Variants in POU6F2 observed in about 807,000 individuals in gnomAD.
The protein encoded by POU6F2 is POU domain, class 6, transcription factor 2.
A neutral mutation model predicts 71.3 loss-of-function variants in POU6F2; 31 were observed. That is an observed-to-expected ratio of 0.43 (90% confidence interval 0.33 to 0.59). POU6F2 has a LOEUF of 0.59. Ranked by LOEUF, POU6F2 falls within the 20% of genes least tolerant of loss-of-function variation. The pLI is 0.04. For synonymous variants in POU6F2, 347 were observed against 355.7 expected (o/e 0.98, Z 0.27); for missense variants, 783 against 856.8 (o/e 0.91, Z 1.07).
At chr7:39,240,229 G>A (rs1012963012) in intron 4 of POU6F2, among the ~76,000 whole-genome samples, 10 of 151,958 alleles carry the variant, frequency 6.6e-5, no homozygotes, top group African/African-American at 1.9e-4. Flanking sequence ...ACCCCAAATC[G>A]GGACAAGGAA....
At chr7:39,256,904 C>T (rs1398432932) in intron 4 of POU6F2, among the ~76,000 whole-genome samples, 2 of 152,198 alleles carry the variant, frequency 1.3e-5, no homozygotes, top group East Asian at 1.9e-4. Context: ...CCCATTAAAA[C>T]CCATTAAAAC....
chr7:39,207,364 T>G, intron 3 of POU6F2, 28 bp from the exon 4 acceptor site: 51 of 1,597,338 alleles, frequency 3.2e-5, no homozygotes, highest in East Asian at 4.5e-5. Flanking sequence ...CACAGGAAAG[T>G]GAGCTAGCTG....
chr7:39,099,257 G>T (rs1386019881), intron 2 of POU6F2, among the ~76,000 whole-genome samples: 1 of 152,346 alleles, frequency 6.6e-6, no homozygotes, highest in Admixed American at 6.5e-5. Context: ...GCCTTGAGAA[G>T]TGTTATGAAG....
intron 4 of POU6F2, among the ~76,000 whole-genome samples, chr7:39,220,983 GATA>G: frequency 6.6e-6 from 1 of 152,092 alleles, no homozygotes; most frequent in Middle Eastern, 3.4e-3. Context: ...TTTATATATT[GATA>G]ATGTGTTGAA....
chr7:39,030,543 T>TATATTTATAC (rs1491146903), intron 1 of POU6F2, among the ~76,000 whole-genome samples: 1 of 88,018 alleles, frequency 1.1e-5, no homozygotes, highest in African/African-American at 3.9e-5. Context: ...TATATATATA[T>TATATTTATAC]ACACACACAT....
intron 6 of POU6F2, among the ~76,000 whole-genome samples, chr7:39,418,680 ACT>A (rs931737424): frequency 2.7e-5 from 4 of 149,910 alleles, no homozygotes; most frequent in South Asian, 2.1e-4. Flanking sequence ...ACAGAGTGAG[ACT>A]CTGTCTCAAA....
chr7:39,053,927 ACC>A (rs928767867), intron 1 of POU6F2, among the ~76,000 whole-genome samples: 3 of 152,020 alleles, frequency 2.0e-5, no homozygotes, highest in Admixed American at 2.0e-4. Flanking sequence ...ACATAGTGAA[ACC>A]CTGTCTCTAC....
chr7:39,029,150 A>G (rs60010483), intron 1 of POU6F2, among the ~76,000 whole-genome samples: 5,648 of 152,060 alleles, frequency 0.037, 322 homozygotes, highest in African/African-American at 0.13. Flanking sequence ...AAATTTTTCA[A>G]CTTTTCATAT....
chr7:39,040,745 G>A (rs1367815045), intron 1 of POU6F2, among the ~76,000 whole-genome samples: 1 of 151,708 alleles, frequency 6.6e-6, no homozygotes, highest in Non-Finnish European at 1.5e-5. Context: ...AAGTATTCAA[G>A]CAATAATCTT....
intron 8 of POU6F2, among the ~76,000 whole-genome samples, chr7:39,453,786 T>G (rs1310646942): frequency 1.3e-5 from 2 of 152,094 alleles, no homozygotes; most frequent in African/African-American, 4.8e-5. Flanking sequence ...ATATTACATA[T>G]CCTCGGTATG....
intron 7 of POU6F2, among the ~76,000 whole-genome samples, chr7:39,446,036 C>T (rs1340970463): frequency 6.6e-6 from 1 of 152,152 alleles, no homozygotes; most frequent in Non-Finnish European, 1.5e-5. Flanking sequence ...CTCTAACAGC[C>T]CTCCAGGTGA....
At chr7:39,114,559 T>C (rs10269214) in intron 2 of POU6F2, among the ~76,000 whole-genome samples, 125,772 of 152,104 alleles carry the variant, frequency 0.83, 52,235 homozygotes, top group East Asian at 1. Flanking sequence ...AAATCACCAC[T>C]TGAAGTTAAT....
At chr7:39,340,840 A>G (rs1342349297) in intron 5 of POU6F2, among the ~76,000 whole-genome samples, 1 of 152,186 alleles carries the variant, frequency 6.6e-6, no homozygotes, top group Non-Finnish European at 1.5e-5. Context: ...TTCAAAACAT[A>G]ATGACTGTGA....
chr7:39,112,340 C>T (rs1198366909), intron 2 of POU6F2, among the ~76,000 whole-genome samples: 1 of 152,282 alleles, frequency 6.6e-6, no homozygotes, highest in East Asian at 1.9e-4. Context: ...GAAGTGCTCG[C>T]TATAACAAAA....
In POU6F2 at chr7:39,450,755, C is replaced by T. The variant is rs994998722; in HGVS notation, c.1321-778C>T. On this transcript the variant is annotated intron_variant, in intron 7 of 9. Transcript: ENST00000518318. ...TCGTGTGTCCAGAGACCAGCTCCTC[C>T]GCACTTGCTGGCTGAACCTATAAAA... Among the ~76,000 whole-genome samples, 3 of 152,180 alleles carry T rather than the reference C, an allele frequency of 2.0e-5. 1 individual carries two copies. Among genetic ancestry groups the T allele is most frequent in the East Asian group, 3.9e-4 (2 of 5,192 alleles).
At chr7:39,052,753 T>G (rs1790422997) in intron 1 of POU6F2, among the ~76,000 whole-genome samples, 1 of 152,170 alleles carries the variant, frequency 6.6e-6, no homozygotes, top group South Asian at 2.1e-4. Flanking sequence ...TCTTCTTCCT[T>G]GGGCCATTCA....
chr7:39,028,583 T>C (rs984118355), intron 1 of POU6F2, among the ~76,000 whole-genome samples: 12 of 152,108 alleles, frequency 7.9e-5, no homozygotes, highest in African/African-American at 2.4e-4. Flanking sequence ...TATTTGTTGA[T>C]ATATATTAGA....
chr7:39,231,071 A>G (rs927040405), intron 4 of POU6F2, among the ~76,000 whole-genome samples: 7 of 152,192 alleles, frequency 4.6e-5, no homozygotes. Context: ...GAGGCACAGG[A>G]CAACATCAAA....
At chr7:39,109,408 A>G (rs572297689) in intron 2 of POU6F2, among the ~76,000 whole-genome samples, 39 of 152,164 alleles carry the variant, frequency 2.6e-4, no homozygotes, top group Non-Finnish European at 5.7e-4. Context: ...ATATGAAAGC[A>G]CCACAGTTGT....
Sources: allele counts gnomAD v4.1 joint callset (sites outside exome capture counted in the v4.1 genomes callset), GRCh38; gene constraint gnomAD v4.1.1; transcripts MANE v1.5; gene names NCBI Gene and HGNC (gene_info 2026-07-23, HGNC 2026-07-21).